ARFGEF3: variants seen among roughly 807,000 people sequenced by gnomAD.
The protein encoded by ARFGEF3 is brefeldin A-inhibited guanine nucleotide-exchange protein 3.
Under a neutral mutation model 221.7 loss-of-function variants are expected in ARFGEF3, and 96 were observed. The ratio of observed to expected loss-of-function variants is 0.43; its 90% CI spans 0.37 to 0.51. ARFGEF3 has a LOEUF of 0.51. Among genes scored for constraint, ARFGEF3 ranks in the 20% least tolerant of loss-of-function variants. ARFGEF3 has a pLI of 0.00. For missense variants in ARFGEF3, 2,410 were observed against 2,789.9 expected, an observed-to-expected ratio of 0.86 and a Z score of 3.07; for synonymous variants, 1,145 against 1,126.8, an observed-to-expected ratio of 1.02 and a Z score of -0.32.
At chr6:138,233,195 A>G (rs1778224486) in intron 5 of ARFGEF3, among the ~76,000 whole-genome samples, 1 of 152,154 alleles carries the variant, frequency 6.6e-6, no homozygotes, top group African/African-American at 2.4e-5. Context: ...TTTTCTGAGC[A>G]TTATATATAA....
Position 138,334,925 on chromosome 6 carries a change from A to G in ARFGEF3, c.6079A>G (p.Thr2027Ala). 6.3e-7 allele frequency: 1 copy of G among 1,589,764 alleles called. No individual in the cohort carries two copies. ...CGACAAGACCATTTCAAAGTTGATGACCGAATACAAAAAGAGGAAACAGCA... is the reference window on the plus strand; with the variant it reads ...CGACAAGACCATTTCAAAGTTGATGGCCGAATACAAAAAGAGGAAACAGCA... Reference protein sequence around the residue: ...AADKTISKLMTEYKKRKQQHN... With the variant: ...AADKTISKLMAEYKKRKQQHN... Residue 2027 changes from threonine to alanine, a missense_variant, in exon 33 of 34, where the codon ACC (threonine) becomes GCC (alanine). Physicochemically the swap from Thr to Ala is moderately conservative, Grantham distance 58. This residue lies in a region of ARFGEF3 where 339 missense variants were observed against 334.9 expected (regional missense o/e 1.01). Coordinates refer to ENST00000251691, the MANE Select transcript of ARFGEF3 (RefSeq NM_020340.5). This position sits in a 1 kb window ranked among gnomAD's most constrained non-coding sequence, Gnocchi z 5.1.
At chr6:138,187,899 C>T (rs1426823399) in intron 2 of ARFGEF3, among the ~76,000 whole-genome samples, 1 of 152,132 alleles carries the variant, frequency 6.6e-6, no homozygotes, top group Non-Finnish European at 1.5e-5. Context: ...TAATTTTCCT[C>T]AACTTAGGAA....
Position 138,162,135 on chromosome 6 carries a change from T to C in ARFGEF3, c.49T>C (p.Tyr17His), listed in dbSNP as rs200871295. 6 of 1,605,800 alleles carry C rather than the reference T, an allele frequency of 3.7e-6. No individual in the cohort carries two copies. The East Asian group carries it at 1.1e-4, about 30-fold the overall frequency. The change falls in exon 1 of 34, where the codon TAC (tyrosine) becomes CAC (histidine). Residue 17 changes from tyrosine (Y) to histidine (H), a missense_variant. This residue lies in a region of ARFGEF3 where 570 missense variants were observed against 586.9 expected (regional missense o/e 0.97). Coordinates refer to ENST00000251691, the MANE Select transcript of ARFGEF3 (RefSeq NM_020340.5). This position sits in a 1 kb window ranked among gnomAD's most constrained non-coding sequence, Gnocchi z 4.7. The part of the protein sequence containing the change: ...KLQKEASGSK[Y>H]KAIKESCTWA... ...GCAGAAGGAGGCGTCCGGGAGCAAG[T>C]ACAAAGCCATCAAGGAGAGCTGCAC...
At chr6:138,310,411 T>C (rs1779804121) in intron 24 of ARFGEF3, among the ~76,000 whole-genome samples, 1 of 152,256 alleles carries the variant, frequency 6.6e-6, no homozygotes. Context: ...TGTTCATTTG[T>C]CGATGGCTGC....
Position 138,308,874 on chromosome 6 carries a change from C to G in ARFGEF3, c.4096+13C>G, listed in dbSNP as rs2114662912. On this transcript the variant is annotated intron_variant, in intron 24 of 33. Transcript: ENST00000251691. Reference sequence around the variant, plus strand: ...GTCAAAGGACTGGGTAAGCAGAACCCTTCTCTCATGCCTTGTAACTGCTGA... The same window carrying G: ...GTCAAAGGACTGGGTAAGCAGAACCGTTCTCTCATGCCTTGTAACTGCTGA... 1 of 1,613,882 alleles carries G rather than the reference C, an allele frequency of 6.2e-7. No homozygotes were observed. The highest frequency in any genetic ancestry group is 8.5e-7 in the Non-Finnish European group (1 of 1,179,844).
intron 5 of ARFGEF3, among the ~76,000 whole-genome samples, chr6:138,230,812 T>G (rs922764891): frequency 6.6e-6 from 1 of 152,262 alleles, no homozygotes; most frequent in Non-Finnish European, 1.5e-5. Context: ...ACACTTTCCT[T>G]TAACACATTT....
intron 7 of ARFGEF3, 122 bp from the exon 8 acceptor site, chr6:138,245,391 C>T (rs1036215967): frequency 1.4e-6 from 1 of 703,476 alleles, no homozygotes. Flanking sequence ...GGCTTCTCCA[C>T]ATCTGAAAAT....
intron 5 of ARFGEF3, among the ~76,000 whole-genome samples, chr6:138,232,223 G>A (rs1167130111): frequency 6.6e-6 from 1 of 152,130 alleles, no homozygotes; most frequent in Non-Finnish European, 1.5e-5. Context: ...AGAAAAAGGT[G>A]GGGCTGGGCA....
intron 12 of ARFGEF3, among the ~76,000 whole-genome samples, chr6:138,268,878 A>G (rs944974824): frequency 2.6e-5 from 4 of 152,244 alleles, no homozygotes; most frequent in East Asian, 1.9e-4. Flanking sequence ...TGTAGCAAGT[A>G]TAAATCTCAG....
chr6:138,300,862 G>A (rs1351768538), intron 22 of ARFGEF3, among the ~76,000 whole-genome samples: 3 of 152,160 alleles, frequency 2.0e-5, no homozygotes, highest in African/African-American at 7.2e-5. Context: ...CCCAATCCCT[G>A]ACATGAGATT....
In ARFGEF3 at chr6:138,313,892, G is replaced by C; in HGVS notation, c.4298G>C (p.Ser1433Thr). The change falls in exon 26 of 34, where the codon AGT (serine) becomes ACT (threonine). Residue 1433 changes from serine (S) to threonine (T), a missense_variant. Ser to Thr is a moderately conservative substitution (Grantham distance 58, BLOSUM62 1). This residue lies in a region of ARFGEF3 where 723 missense variants were observed against 991.9 expected (regional missense o/e 0.73). Transcript: ENST00000251691. The part of the protein sequence containing the change: ...PRRLQEQSAS[S>T]EDGIESVLSD... Reference sequence around the variant, plus strand: ...AGACTTCAGGAACAGTCAGCCAGCAGTGAGGATGGAATTGAATCAGTCCTG... The same window carrying C: ...AGACTTCAGGAACAGTCAGCCAGCACTGAGGATGGAATTGAATCAGTCCTG... 5 of 1,613,956 alleles carry C rather than the reference G, an allele frequency of 3.1e-6. No individual in the cohort carries two copies. Among genetic ancestry groups the C allele is most frequent in the Non-Finnish European group, 4.2e-6 (5 of 1,179,862 alleles).
intron 17 of ARFGEF3, 83 bp from the exon 18 acceptor site, chr6:138,289,735 T>G: frequency 6.9e-7 from 1 of 1,449,760 alleles, no homozygotes; most frequent in South Asian, 1.2e-5. Flanking sequence ...CTTTTGCCCT[T>G]GCATGACACA....
intron 6 of ARFGEF3, among the ~76,000 whole-genome samples, chr6:138,239,045 G>A (rs1215298904): frequency 6.6e-6 from 1 of 152,154 alleles, no homozygotes; most frequent in Non-Finnish European, 1.5e-5. Flanking sequence ...GTGGCAGGAG[G>A]CCTCCTTCAC....
chr6:138,197,976 T>C (rs536112390), intron 2 of ARFGEF3, among the ~76,000 whole-genome samples: 1 of 152,326 alleles, frequency 6.6e-6, no homozygotes, highest in East Asian at 1.9e-4. Flanking sequence ...TGAGCTGAGC[T>C]CTTTCTTAAC....
intron 27 of ARFGEF3, 62 bp from the exon 28 acceptor site, chr6:138,319,641 G>A: frequency 8.3e-7 from 1 of 1,208,922 alleles, no homozygotes; most frequent in Non-Finnish European, 1.2e-6. Context: ...AACAATGCCA[G>A]GTGGAGGCAA....
In ARFGEF3 at chr6:138,162,272, T is replaced by C; in HGVS notation, c.85+101T>C. ...GCTTTCGCGGAGCGTCGGTCATGGG[T>C]GCCGTTCTGGCGATTGCGAGAGTCG... is the stretch of plus-strand genomic sequence containing the variant. On this transcript the variant is annotated intron_variant, in intron 1 of 33. Coordinates refer to ENST00000251691, the MANE Select transcript of ARFGEF3 (RefSeq NM_020340.5). This position sits in a 1 kb window ranked among gnomAD's most constrained non-coding sequence, Gnocchi z 4.7. 1 of 787,168 alleles carries C rather than the reference T, an allele frequency of 1.3e-6. No individual in the cohort carries two copies. 48.8% of individuals were successfully genotyped at this position (787,168 alleles called of 1,614,324 possible). A position where few individuals can be genotyped will look rare whatever the true frequency, so the allele number is the denominator to read the frequency against.
intron 4 of ARFGEF3, chr6:138,218,290 G>A (rs1181552228): frequency 6.3e-7 from 1 of 1,592,008 alleles, no homozygotes; most frequent in South Asian, 1.1e-5. Context: ...AGAATGCCTG[G>A]TAGCCTTGGG....
At chr6:138,225,044 C>T (rs1350964866) in intron 4 of ARFGEF3, among the ~76,000 whole-genome samples, 1 of 152,136 alleles carries the variant, frequency 6.6e-6, no homozygotes, top group African/African-American at 2.4e-5. Flanking sequence ...AGGTTTCAAA[C>T]ACAGGTGACC....
At chr6:138,177,576 C>T (rs6941550) in intron 2 of ARFGEF3, among the ~76,000 whole-genome samples, 2 of 152,156 alleles carry the variant, frequency 1.3e-5, no homozygotes, top group South Asian at 2.1e-4. Context: ...TTAAAGAGAT[C>T]TTTGGTCTTT....
Sources: allele counts gnomAD v4.1 joint callset (sites outside exome capture counted in the v4.1 genomes callset), GRCh38; gene constraint gnomAD v4.1.1; regional missense constraint gnomAD v4.1.1; non-coding constraint Gnocchi (gnomAD v3.1); transcripts MANE v1.5; gene names NCBI Gene and HGNC (gene_info 2026-07-23, HGNC 2026-07-21).